Variants in NCKAP1 observed in about 807,000 individuals in gnomAD.
The protein encoded by NCKAP1 is nck-associated protein 1.
A neutral mutation model predicts 151.2 loss-of-function variants in NCKAP1; 21 were observed. The ratio of observed to expected loss-of-function variants is 0.14; its 90% CI spans 0.10 to 0.20. The LOEUF is 0.20. Ranked by LOEUF, NCKAP1 falls within the 10% of genes least tolerant of loss-of-function variation. The probability of loss-of-function intolerance (pLI) is 1.00; values close to 1 mark genes in which losing one functional copy is unlikely to be tolerated. For synonymous variants in NCKAP1, 484 were observed against 451.8 expected, an observed-to-expected ratio of 1.07 and a Z score of -0.90; for missense variants, 933 against 1,352.1, an observed-to-expected ratio of 0.69 and a Z score of 4.86.
chr2:183,026,058 A>C (rs1698888751), intron 1 of NCKAP1, among the ~76,000 whole-genome samples: 1 of 152,220 alleles, frequency 6.6e-6, no homozygotes, highest in Non-Finnish European at 1.5e-5. Flanking sequence ...TTGATAACCA[A>C]ACAAGTATGT....
intron 2 of NCKAP1, among the ~76,000 whole-genome samples, chr2:183,023,195 A>G (rs1276070662): frequency 6.6e-6 from 1 of 152,178 alleles, no homozygotes; most frequent in African/African-American, 2.4e-5. Flanking sequence ...TCCCAAAAGT[A>G]GTTATTCATA....
intron 1 of NCKAP1, among the ~76,000 whole-genome samples, chr2:183,035,099 T>C (rs891292656): frequency 3.3e-5 from 5 of 151,816 alleles, no homozygotes; most frequent in African/African-American, 9.7e-5. Context: ...AAACCATATA[T>C]TTAAAAACAA....
intron 29 of NCKAP1, among the ~76,000 whole-genome samples, chr2:182,927,478 T>C (rs934199294): frequency 2.0e-5 from 3 of 152,026 alleles, no homozygotes; most frequent in Admixed American, 6.6e-5. Context: ...AAGAAGTAAA[T>C]GTTCTAGAGT....
At chr2:182,964,261 TTAACAATTTAGTAA>T (rs1697517189) in intron 17 of NCKAP1, among the ~76,000 whole-genome samples, 1 of 152,154 alleles carries the variant, frequency 6.6e-6, no homozygotes, top group Non-Finnish European at 1.5e-5. Context: ...AATATATTTA[TTAACAATTTAGTAA>T]TAATAAGTTA....
rs961237419 is a variant in NCKAP1 at position 182,928,193 on chromosome 2, G to C, written c.3104C>G (p.Ala1035Gly). The change falls in exon 29 of 31, where the codon GCC (alanine) becomes GGC (glycine). Residue 1035 changes from alanine to glycine, a missense_variant. Ala to Gly is a moderately conservative substitution (Grantham distance 60). Around this residue, in one of 2 missense-constraint regions of NCKAP1, gnomAD observed 326 missense variants for 557.1 expected, o/e 0.59. Coordinates refer to ENST00000361354, the MANE Select transcript of NCKAP1 (RefSeq NM_013436.5). ...CAAAGCTGCAGCAATCTGGTTGATG[G>C]CTTTGGCCAAGCAATGTATGTTGTT... ...HCNNIHCLAK[A>G]INQIAAALFT... 1 of 1,612,656 alleles carries C rather than the reference G, an allele frequency of 6.2e-7. No homozygotes were observed. Among genetic ancestry groups the C allele is most frequent in the Non-Finnish European group, 8.5e-7 (1 of 1,179,186 alleles).
chr2:182,943,959 C>G (rs547644143), intron 23 of NCKAP1, among the ~76,000 whole-genome samples: 245 of 152,256 alleles, frequency 1.6e-3, no homozygotes, highest in Non-Finnish European at 2.2e-3. Context: ...ATCTTTTGTG[C>G]GCATAAAAAT....
At chr2:182,993,752 A>G (rs1322413237) in intron 8 of NCKAP1, among the ~76,000 whole-genome samples, 2 of 152,184 alleles carry the variant, frequency 1.3e-5, no homozygotes, top group African/African-American at 4.8e-5. Flanking sequence ...ACGACCTATC[A>G]GGTACTATGC....
intron 11 of NCKAP1, 75 bp downstream of exon 11, chr2:182,983,211 G>C: frequency 8.2e-7 from 1 of 1,217,646 alleles, no homozygotes; most frequent in Non-Finnish European, 1.2e-6. Flanking sequence ...TCAAATTTCA[G>C]TAAAATTTCA....
intron 24 of NCKAP1, among the ~76,000 whole-genome samples, chr2:182,941,714 T>A (rs1696999705): frequency 6.6e-6 from 1 of 152,214 alleles, no homozygotes; most frequent in African/African-American, 2.4e-5. Context: ...AACTTATACG[T>A]ATAAAGTTGA....
chr2:182,942,460 T>C lies in NCKAP1; in HGVS notation c.2602-297A>G, dbSNP rs182803246. On this transcript the variant is annotated intron_variant, in intron 23 of 30. Transcript: ENST00000361354. ...TTACTTAGACGCTGAACGGCATCAA[T>C]AATAAAAAGTAGACACTAAAATGGA... Among the ~76,000 whole-genome samples the C allele has an allele frequency of 2.4e-3, 358 of 152,014 alleles. 1 individual carries two copies. Among genetic ancestry groups the C allele is most frequent in the Middle Eastern group, 0.017 (5 of 294 alleles).
intron 16 of NCKAP1, 24 bp downstream of exon 16, chr2:182,967,192 G>C: frequency 6.3e-7 from 1 of 1,585,194 alleles, no homozygotes; most frequent in South Asian, 1.2e-5. Flanking sequence ...TTCAAATCCA[G>C]ATTTAGAGAA....
At chr2:182,970,591 T>C (rs531257146) in intron 15 of NCKAP1, among the ~76,000 whole-genome samples, 13 of 152,142 alleles carry the variant, frequency 8.5e-5, no homozygotes, top group African/African-American at 2.9e-4. Flanking sequence ...GAAAAAAACA[T>C]ACCTCTTAAC....
intron 26 of NCKAP1, chr2:182,934,285 CCGCCACCA>C (rs1696826848): frequency 6.6e-6 from 1 of 152,140 alleles, no homozygotes. Flanking sequence ...CTACAGGCAC[CCGCCACCA>C]CGCCTGGCTA....
intron 23 of NCKAP1, among the ~76,000 whole-genome samples, chr2:182,945,198 G>A (rs1697075871): frequency 1.3e-5 from 2 of 151,884 alleles, no homozygotes; most frequent in Non-Finnish European, 2.9e-5. Context: ...TTGTGCCATT[G>A]CACTCCAGCC....
chr2:182,927,720 A>G (rs1360520459), intron 29 of NCKAP1, among the ~76,000 whole-genome samples: 3 of 152,044 alleles, frequency 2.0e-5, no homozygotes, highest in Non-Finnish European at 4.4e-5. Flanking sequence ...TAGAGGGAAT[A>G]GCTTCTCTCT....
intron 23 of NCKAP1, among the ~76,000 whole-genome samples, chr2:182,948,774 G>A (rs1189140331): frequency 2.0e-5 from 3 of 152,206 alleles, no homozygotes; most frequent in African/African-American, 7.2e-5. Context: ...TCATCTGATT[G>A]CAAGTTGATT....
At chr2:182,958,202 C>A (rs1358776945) in intron 18 of NCKAP1, among the ~76,000 whole-genome samples, 1 of 152,194 alleles carries the variant, frequency 6.6e-6, no homozygotes, top group Non-Finnish European at 1.5e-5. Flanking sequence ...GGCTGGAATG[C>A]AATGGCACAA....
intron 20 of NCKAP1, among the ~76,000 whole-genome samples, chr2:182,956,192 C>G (rs746238327): frequency 9.9e-5 from 15 of 152,144 alleles, no homozygotes; most frequent in Non-Finnish European, 2.1e-4. Context: ...AGGTGCCCAC[C>G]ACCACGCCCA....
rs1047496892 is a variant in NCKAP1, at chr2:182,955,673, G to A, written c.2153+789C>T. Among the ~76,000 whole-genome samples, 7 of 152,250 alleles carry A rather than the reference G, an allele frequency of 4.6e-5. No homozygotes were observed. The South Asian group carries it at 6.2e-4, about 14-fold the overall frequency. The stretch of plus-strand genomic sequence containing the variant: ...TTTACTGTGACCTACTGCATGACAC[G>A]CATCTTAACACTGCAAGTCAATACA... On this transcript the variant is annotated intron_variant, in intron 20 of 30. Transcript: ENST00000361354.
Sources: gnomAD v4.1 joint callset for allele counts (sites outside exome capture counted in the v4.1 genomes callset) on GRCh38, gnomAD v4.1.1 for gene constraint, gnomAD v4.1.1 regional missense constraint, MANE v1.5 for transcripts, NCBI Gene and HGNC (gene_info 2026-07-23, HGNC 2026-07-21) for gene names.